DNAI3: variants seen among roughly 807,000 people sequenced by gnomAD.
DNAI3 encodes dynein axonemal intermediate chain 3, also known as WD repeat domain 63.
Under a neutral mutation model 115.5 loss-of-function variants are expected in DNAI3, and 83 were observed. The ratio of observed to expected loss-of-function variants is 0.72; its 90% CI spans 0.60 to 0.86. DNAI3 has a LOEUF of 0.86. DNAI3 is among the 40% of genes least tolerant of loss of function. The probability of loss-of-function intolerance (pLI) is 0.00; values close to 1 mark genes in which losing one functional copy is unlikely to be tolerated. For missense variants in DNAI3, 1,004 were observed against 1,075.8 expected (o/e 0.93, Z 0.93); for synonymous variants, 320 against 347.0 (o/e 0.92, Z 0.86).
intron 1 of DNAI3, among the ~76,000 whole-genome samples, chr1:85,071,176 G>A (rs1489007029): frequency 1.3e-5 from 2 of 152,170 alleles, no homozygotes; most frequent in African/African-American, 4.8e-5. Context: ...CTTAGAGAAG[G>A]TAAGTAATTT....
intron 5 of DNAI3, among the ~76,000 whole-genome samples, chr1:85,084,104 T>C (rs184828295): frequency 6.5e-5 from 9 of 137,910 alleles, no homozygotes; most frequent in African/African-American, 1.9e-4. Context: ...CATTCCTCTA[T>C]TGATATTCAT....
In DNAI3 at chr1:85,072,299, T is replaced by A. The variant is rs115688159; in HGVS notation, c.64+294T>A. On this transcript the variant is annotated intron_variant, in intron 2 of 22. Coordinates refer to ENST00000294664, the MANE Select transcript of DNAI3 (RefSeq NM_145172.5). ...TTAATTATTCACAAGATAGTTTAAG[T>A]CTTCATTGTATATTTGCACTTATAT... Among the ~76,000 whole-genome samples, 955 of 152,332 alleles carry A rather than the reference T, an allele frequency of 6.3e-3. 1 individual carries two copies. Among genetic ancestry groups the A allele is most frequent in the Middle Eastern group, 0.01 (3 of 294 alleles).
intron 3 of DNAI3, among the ~76,000 whole-genome samples, chr1:85,073,996 A>G (rs1654371021): frequency 6.6e-6 from 1 of 152,186 alleles, no homozygotes; most frequent in Non-Finnish European, 1.5e-5. Context: ...CAGTGCCTGC[A>G]GCAGGATATG....
Position 85,104,617 on chromosome 1 carries a change from T to A in DNAI3, c.1553+20T>A. The A allele has an allele frequency of 6.2e-7, 1 of 1,608,584 alleles. No individual in the cohort carries two copies. Among genetic ancestry groups the A allele is most frequent in the South Asian group, 1.1e-5 (1 of 90,638 alleles). The stretch of plus-strand genomic sequence containing the variant: ...AGATTGGTAAGTCTTGTTTCAAACA[T>A]TTCCTAATGTGTTTTCATACATGGT... On this transcript the variant is annotated intron_variant, in intron 14 of 22. Transcript: ENST00000294664.
At chr1:85,076,430 A>G (rs1474989154) in intron 3 of DNAI3, among the ~76,000 whole-genome samples, 1 of 152,238 alleles carries the variant, frequency 6.6e-6, no homozygotes, top group African/African-American at 2.4e-5. Context: ...TTCTTATGTA[A>G]GGTAACAATA....
chr1:85,068,484 T>C (rs1230186274), intron 1 of DNAI3, among the ~76,000 whole-genome samples: 2 of 152,174 alleles, frequency 1.3e-5, no homozygotes, highest in African/African-American at 4.8e-5. Flanking sequence ...CACCCTCATC[T>C]CTCCCATGGA....
chr1:85,119,477 A>G (rs913000083), intron 17 of DNAI3, among the ~76,000 whole-genome samples: 5 of 152,228 alleles, frequency 3.3e-5, no homozygotes, highest in Admixed American at 6.5e-5. Context: ...GGGGAATGAC[A>G]CCATCAGACC....
At chr1:85,089,742 A>C (rs1335333802) in intron 7 of DNAI3, among the ~76,000 whole-genome samples, 4 of 151,950 alleles carry the variant, frequency 2.6e-5, no homozygotes. Flanking sequence ...TGAGGTGGAC[A>C]CTGACTTAGT....
At chr1:85,089,737 T>C (rs1414289126) in intron 7 of DNAI3, among the ~76,000 whole-genome samples, 2 of 151,534 alleles carry the variant, frequency 1.3e-5, no homozygotes, top group Non-Finnish European at 2.9e-5. Flanking sequence ...GGGGGTGAGG[T>C]GGACACTGAC....
chr1:85,126,797 G>A, intron 20 of DNAI3, 82 bp downstream of exon 20: 1 of 1,497,764 alleles, frequency 6.7e-7, no homozygotes. Flanking sequence ...AGCCTCCAAT[G>A]TTTATTTCTT....
chr1:85,132,703 G>A lies in DNAI3; in HGVS notation c.2533-152G>A, dbSNP rs1571208546. Reference sequence around the variant, plus strand: ...TTCCCAGCACATCTGACTGCCTCCTGCCCACCTGCCCTCCTGCCTTCCTGC... The same window carrying A: ...TTCCCAGCACATCTGACTGCCTCCTACCCACCTGCCCTCCTGCCTTCCTGC... On this transcript the variant is annotated intron_variant, in intron 22 of 22. Transcript: ENST00000294664. 4 of 677,190 alleles carry A rather than the reference G, an allele frequency of 5.9e-6. No individual in the cohort carries two copies. The East Asian group carries it at 1.7e-4, about 28-fold the overall frequency. 41.9% of individuals were successfully genotyped at this position (677,190 alleles called of 1,614,324 possible).
chr1:85,066,622 C>T (rs1236266364), intron 1 of DNAI3, among the ~76,000 whole-genome samples: 1 of 152,122 alleles, frequency 6.6e-6, no homozygotes, highest in African/African-American at 2.4e-5. Flanking sequence ...GCCACTGCAC[C>T]TGGCCTCTTC....
chr1:85,075,761 T>C (rs767862640), intron 3 of DNAI3, among the ~76,000 whole-genome samples: 2 of 152,174 alleles, frequency 1.3e-5, no homozygotes, highest in Non-Finnish European at 2.9e-5. Flanking sequence ...AGCAATGACT[T>C]TCTGCCAGGC....
Position 85,117,857 on chromosome 1 carries a change from G to A in DNAI3, c.1915G>A (p.Glu639Lys). Reference sequence around the variant, plus strand: ...CTGCACAAAGTTCTTTGTGGGAACAGAGGTAAATTGGGATTATCTGCTTTT... The same window carrying A: ...CTGCACAAAGTTCTTTGTGGGAACAAAGGTAAATTGGGATTATCTGCTTTT... ...DFCTKFFVGT[E>K]EGEVIYTDWK... The change falls in exon 17 of 23, where the codon GAG becomes AAG. Residue 639 changes from glutamate to lysine, a missense_variant and splice_region_variant. This residue lies in a region of DNAI3 where 429 missense variants were observed against 454.3 expected (regional missense o/e 0.94). Transcript: ENST00000294664. 6.2e-7 allele frequency: 1 copy of A among 1,611,312 alleles called. No homozygotes were observed. The highest frequency in any genetic ancestry group is 8.5e-7 in the Non-Finnish European group (1 of 1,178,396).
chr1:85,079,513 T>C (rs1437971335), intron 3 of DNAI3, among the ~76,000 whole-genome samples: 11 of 152,036 alleles, frequency 7.2e-5, no homozygotes, highest in Non-Finnish European at 4.4e-5. Context: ...TGCTGGCACA[T>C]CTATTGAGAA....
chr1:85,072,673 T>G (rs1654315059), intron 2 of DNAI3, among the ~76,000 whole-genome samples: 1 of 143,612 alleles, frequency 7.0e-6, no homozygotes, highest in Non-Finnish European at 1.5e-5. Context: ...AAAAAAAGAT[T>G]GGCCGGGCAC....
intron 4 of DNAI3, among the ~76,000 whole-genome samples, chr1:85,081,780 T>C (rs535474942): frequency 9.9e-5 from 15 of 152,266 alleles, no homozygotes; most frequent in Admixed American, 7.2e-4. Flanking sequence ...CCTGAGTAAC[T>C]GGGACCACAG....
chr1:85,097,747 T>A lies in DNAI3; in HGVS notation c.1350+92T>A, dbSNP rs1379916740. Reference sequence around the variant, plus strand: ...TATAGTTGCCAAGGCTAATAAAAACTCAAGAGAAAAAAGGAAAAAAAAAAA... The same window carrying A: ...TATAGTTGCCAAGGCTAATAAAAACACAAGAGAAAAAAGGAAAAAAAAAAA... On this transcript the variant is annotated intron_variant, in intron 12 of 22. Transcript: ENST00000294664. 4.5e-6 allele frequency: 5 copies of A among 1,100,438 alleles called. No individual in the cohort carries two copies. The African/African-American group carries it at 5.0e-5, about 11-fold the overall frequency. 68.2% of individuals were successfully genotyped at this position (1,100,438 alleles called of 1,614,324 possible).
At chr1:85,096,168 G>A in intron 11 of DNAI3, 148 bp downstream of exon 11, 1 of 687,230 alleles carries the variant, frequency 1.5e-6, no homozygotes, top group Non-Finnish European at 2.5e-6. Flanking sequence ...CAGGAAGCAG[G>A]GTATAGAGAC....
Sources: allele counts gnomAD v4.1 joint callset (sites outside exome capture counted in the v4.1 genomes callset), GRCh38; gene constraint gnomAD v4.1.1; regional missense constraint gnomAD v4.1.1; transcripts MANE v1.5; gene names NCBI Gene and HGNC (gene_info 2026-07-23, HGNC 2026-07-21).